ENPP6: variants seen among roughly 807,000 people sequenced by gnomAD.
ENPP6 encodes the protein ectonucleotide pyrophosphatase/phosphodiesterase 6.
Under a neutral mutation model 42.0 loss-of-function variants are expected in ENPP6, and 32 were observed. That is an observed-to-expected ratio of 0.76 (90% CI 0.58 to 1.02). The LOEUF (loss-of-function observed/expected upper bound fraction) is 1.02, where lower values mean the gene tolerates loss of function less well. Ranked by LOEUF, ENPP6 falls within the 50% of genes least tolerant of loss-of-function variation. The pLI, the probability that ENPP6 is intolerant of heterozygous loss-of-function variation, is 0.00. For missense variants in ENPP6, 552 were observed against 566.8 expected, an observed-to-expected ratio of 0.97 and a Z score of 0.27; for synonymous variants, 213 against 216.0, an observed-to-expected ratio of 0.99 and a Z score of 0.12.
chr4:184,212,577 A>G (rs546841539), intron 1 of ENPP6, among the ~76,000 whole-genome samples: 16,062 of 148,720 alleles, frequency 0.11, 1,667 homozygotes, highest in African/African-American at 0.26. Context: ...CCACTGGTCA[A>G]CGAAATAAAA....
chr4:184,126,576 T>C (rs1736506408), intron 2 of ENPP6, among the ~76,000 whole-genome samples: 1 of 152,218 alleles, frequency 6.6e-6, no homozygotes, highest in South Asian at 2.1e-4. Context: ...AACAGTTTTA[T>C]CAAAGACTAA....
At chr4:184,214,357 CAAAT>C (rs1402395549) in intron 1 of ENPP6, among the ~76,000 whole-genome samples, 1 of 152,134 alleles carries the variant, frequency 6.6e-6, no homozygotes, top group Non-Finnish European at 1.5e-5. Flanking sequence ...TGTTTTGAGG[CAAAT>C]AAATAATCAG....
chr4:184,190,860 C>G (rs1732703943), intron 1 of ENPP6, among the ~76,000 whole-genome samples: 1 of 152,198 alleles, frequency 6.6e-6, no homozygotes, highest in South Asian at 2.1e-4. Context: ...GCAGCCTTGA[C>G]CATTTGAGAT....
intron 1 of ENPP6, among the ~76,000 whole-genome samples, chr4:184,199,111 A>C (rs550476474): frequency 5.9e-5 from 9 of 152,336 alleles, no homozygotes; most frequent in African/African-American, 2.2e-4. Flanking sequence ...CTGGCTACTC[A>C]ACACACAGAT....
In ENPP6 at chr4:184,169,561, C is replaced by T. The variant is rs142092146; in HGVS notation, c.242-15828G>A. ...CTTTGCCTGTCCCTGGCTCCTCTCTCTGCCGTCATCACGTTTCTGGCCACC... is the reference window on the plus strand; with the variant it reads ...CTTTGCCTGTCCCTGGCTCCTCTCTTTGCCGTCATCACGTTTCTGGCCACC... On this transcript the variant is annotated intron_variant, in intron 1 of 7. Coordinates refer to ENST00000296741, the MANE Select transcript of ENPP6 (RefSeq NM_153343.4). Among the ~76,000 whole-genome samples, 7 of 152,354 alleles carry T rather than the reference C, an allele frequency of 4.6e-5. No individual in the cohort carries two copies. The South Asian group carries it at 8.3e-4, about 18-fold the overall frequency.
At position 184,113,911 on chromosome 4, in the gene ENPP6, C is replaced by CTTTTCT. The variant is rs1450185519; in HGVS notation, c.856-1103_856-1102insAGAAAA. ...CTTCCTTTCTTTCTTTTCTTTCTTT[C>CTTTTCT]TTTCTTTCTTTCTTTCTTTCTTTCT... On this transcript the variant is annotated intron_variant, in intron 5 of 7. Transcript: ENST00000296741. Among the ~76,000 whole-genome samples the CTTTTCT allele has an allele frequency of 2.1e-3, 255 of 121,082 alleles. 2 individuals carry two copies. The highest frequency in any genetic ancestry group is 7.4e-3 in the African/African-American group (239 of 32,200). The allele number at this position is 121,082 out of a possible 152,430, so 79.4% of individuals were successfully genotyped here. A position where few individuals can be genotyped will look rare whatever the true frequency, so the allele number is the denominator to read the frequency against.
At chr4:184,129,109 A>G (rs1451420172) in intron 2 of ENPP6, among the ~76,000 whole-genome samples, 1 of 152,206 alleles carries the variant, frequency 6.6e-6, no homozygotes, top group Non-Finnish European at 1.5e-5. Flanking sequence ...CAGGAATGCT[A>G]TCATCACCAT....
At chr4:184,196,904 G>A (rs1219485985) in intron 1 of ENPP6, among the ~76,000 whole-genome samples, 2 of 152,132 alleles carry the variant, frequency 1.3e-5, no homozygotes, top group African/African-American at 2.4e-5. Flanking sequence ...GTCCCCTGAG[G>A]GAATCTCATG....
chr4:184,168,566 T>C (rs572247461), intron 1 of ENPP6, among the ~76,000 whole-genome samples: 10 of 152,340 alleles, frequency 6.6e-5, no homozygotes, highest in Non-Finnish European at 1.3e-4. Context: ...GAGCGAGCCC[T>C]CTGAGCCTGG....
At chr4:184,138,282 T>C (rs1274128887) in intron 2 of ENPP6, among the ~76,000 whole-genome samples, 1 of 152,242 alleles carries the variant, frequency 6.6e-6, no homozygotes, top group Non-Finnish European at 1.5e-5. Flanking sequence ...GGAGTTTTTG[T>C]ACCAATGTCA....
In ENPP6 at chr4:184,206,251, A is replaced by ATTCTTTTTTT. The variant is rs752341794; in HGVS notation, c.241+11327_241+11328insAAAAAAAGAA. 7.5e-5 allele frequency among the ~76,000 whole-genome samples: 7 copies of ATTCTTTTTTT among 93,408 alleles called. 1 individual carries two copies. Among genetic ancestry groups the ATTCTTTTTTT allele is most frequent in the South Asian group, 3.5e-4 (1 of 2,886 alleles). The allele number at this position is 93,408 out of a possible 152,430, so 61.3% of individuals were successfully genotyped here. A position where few individuals can be genotyped will look rare whatever the true frequency, so the allele number is the denominator to read the frequency against. On this transcript the variant is annotated intron_variant, in intron 1 of 7. Transcript: ENST00000296741. ...GAACAGCCCCTCAAAGGAAGCTTGA[A>ATTCTTTTTTT]TTTTTTTTTTTTTTTTTTTTTTTTG...
chr4:184,135,488 T>C (rs573683086), intron 2 of ENPP6, among the ~76,000 whole-genome samples: 6 of 152,226 alleles, frequency 3.9e-5, no homozygotes, highest in Non-Finnish European at 8.8e-5. Context: ...CATTGCCTAA[T>C]GTTATTATAG....
intron 1 of ENPP6, among the ~76,000 whole-genome samples, chr4:184,155,495 C>A (rs1011325060): frequency 4.3e-4 from 50 of 116,992 alleles, no homozygotes; most frequent in Non-Finnish European, 7.8e-4. Context: ...AGAAGCTGAG[C>A]AAATGTGCAA....
chr4:184,207,547 GGTT>G (rs1451064129), intron 1 of ENPP6, among the ~76,000 whole-genome samples: 1 of 152,122 alleles, frequency 6.6e-6, no homozygotes, highest in African/African-American at 2.4e-5. Flanking sequence ...TTTAAACTGT[GGTT>G]GTGTTTTCAC....
chr4:184,188,900 G>C (rs1279209741), intron 1 of ENPP6, among the ~76,000 whole-genome samples: 2 of 152,122 alleles, frequency 1.3e-5, no homozygotes. Context: ...ACTTAGACTT[G>C]AACCTGAATA....
At chr4:184,131,946 A>T (rs1203575178) in intron 2 of ENPP6, among the ~76,000 whole-genome samples, 1 of 141,974 alleles carries the variant, frequency 7.0e-6, no homozygotes, top group South Asian at 2.3e-4. Context: ...GTTGTAATTC[A>T]GTCCTAATTC....
In ENPP6 at chr4:184,217,628, A is replaced by C; in HGVS notation, c.192T>G (p.Thr64=). The change falls in exon 1 of 8, where the codon ACT becomes ACG. Residue 64 remains threonine, a synonymous_variant. Coordinates refer to ENST00000296741, the MANE Select transcript of ENPP6 (RefSeq NM_153343.4). ...VSRGVKVDYL[T]PDFPSLSYPN... ...GATACGAGAGACTAGGGAAGTCTGG[A>C]GTCAAGTAATCCACTTTTACTCCCC... is the stretch of plus-strand genomic sequence containing the variant. 1 of 1,614,224 alleles carries C rather than the reference A, an allele frequency of 6.2e-7. No homozygotes were observed. Among genetic ancestry groups the C allele is most frequent in the Non-Finnish European group, 8.5e-7 (1 of 1,180,036 alleles).
rs1380890577 is a variant in ENPP6 at position 184,117,035 on chromosome 4, C to T, written c.676G>A (p.Glu226Lys). ...TTCAGGCGGTCCTGCAGGCCCCGCT[C>T]CTGTGGGGTGGGAAAAGACAGTCAT... Reference protein sequence around the residue: ...VLKYMTKWIQERGLQDRLNVI... With the variant: ...VLKYMTKWIQKRGLQDRLNVI... Residue 226 changes from glutamate (E) to lysine (K), a missense_variant and splice_region_variant, in exon 5 of 8, where the codon GAG becomes AAG. By Grantham distance (56) the Glu-to-Lys change is moderately conservative. Transcript: ENST00000296741. 6.2e-7 allele frequency: 1 copy of T among 1,614,158 alleles called. No homozygotes were observed. Among genetic ancestry groups the T allele is most frequent in the Admixed American group, 1.7e-5 (1 of 60,034 alleles).
chr4:184,094,957 C>T (rs1735873514), intron 7 of ENPP6, among the ~76,000 whole-genome samples: 1 of 152,246 alleles, frequency 6.6e-6, no homozygotes, highest in African/African-American at 2.4e-5. Context: ...AGCTTTCCCC[C>T]TAAGGGAGAA....
Sources: gnomAD v4.1 joint callset for allele counts (sites outside exome capture counted in the v4.1 genomes callset) on GRCh38, gnomAD v4.1.1 for gene constraint, MANE v1.5 for transcripts, NCBI Gene and HGNC (gene_info 2026-07-23, HGNC 2026-07-21) for gene names.